Variants in ABLIM2 observed in about 807,000 individuals in gnomAD.
The protein encoded by ABLIM2 is actin-binding LIM protein 2.
ABLIM2 carries 53 observed loss-of-function variants against 97.7 expected under a neutral mutation model. That is an observed-to-expected ratio of 0.54 (90% CI 0.44 to 0.68). The LOEUF is 0.68. Ranked by LOEUF, ABLIM2 falls within the 30% of genes least tolerant of loss-of-function variation. The pLI, the probability that ABLIM2 is intolerant of heterozygous loss-of-function variation, is 0.00. For missense variants in ABLIM2, 835 were observed against 867.2 expected, an observed-to-expected ratio of 0.96 and a Z score of 0.47; for synonymous variants, 361 against 345.8, an observed-to-expected ratio of 1.04 and a Z score of -0.49.
rs544426998 is a variant in ABLIM2, at chr4:8,143,623, G to A, written c.10+15057C>T. On this transcript the variant is annotated intron_variant, in intron 1 of 20. Coordinates refer to ENST00000447017, the MANE Select transcript of ABLIM2 (RefSeq NM_001130083.2). The stretch of plus-strand genomic sequence containing the variant: ...CTGCCAGGATTTCTCTCTCAGGCCA[G>A]GTTCACTTTCTCTCTGGCCCCACAG... 9.6e-4 allele frequency among the ~76,000 whole-genome samples: 146 copies of A among 152,272 alleles called. 2 individuals carry two copies. The highest frequency in any genetic ancestry group is 3.4e-3 in the African/African-American group (143 of 41,548).
chr4:8,102,274 A>G (rs751077749), intron 2 of ABLIM2, among the ~76,000 whole-genome samples: 5 of 151,876 alleles, frequency 3.3e-5, no homozygotes, highest in African/African-American at 4.8e-5. Flanking sequence ...TCCCTCATTA[A>G]CTTCCTCACC....
chr4:8,096,613 G>C (rs1216229135), intron 3 of ABLIM2, among the ~76,000 whole-genome samples: 3 of 152,214 alleles, frequency 2.0e-5, no homozygotes, highest in Non-Finnish European at 4.4e-5. Flanking sequence ...AACACGGTGT[G>C]GTGAGACAGG....
intron 17 of ABLIM2, among the ~76,000 whole-genome samples, chr4:7,988,768 A>G (rs182318873): frequency 1.3e-5 from 2 of 152,354 alleles, no homozygotes; most frequent in African/African-American, 4.8e-5. Flanking sequence ...TTTAAAGACT[A>G]GAAAAGAGAG....
chr4:7,997,158 G>A (rs943086830), intron 16 of ABLIM2, among the ~76,000 whole-genome samples: 7 of 152,166 alleles, frequency 4.6e-5, no homozygotes, highest in African/African-American at 9.6e-5. Flanking sequence ...TGCAACCTCC[G>A]TCTCCCAGGT....
chr4:8,132,315 A>C lies in ABLIM2; in HGVS notation c.11-25678T>G, dbSNP rs191355388. Among the ~76,000 whole-genome samples, 82 of 152,308 alleles carry C rather than the reference A, an allele frequency of 5.4e-4. 1 individual carries two copies. In the East Asian group the frequency reaches 0.014, roughly 27 times the overall value. ...TAATTACTCACATCTTCATTTCTGAATGCTGCTTAAAAGCTGAGAAGTAAT... is the reference window on the plus strand; with the variant it reads ...TAATTACTCACATCTTCATTTCTGACTGCTGCTTAAAAGCTGAGAAGTAAT... On this transcript the variant is annotated intron_variant, in intron 1 of 20. Transcript: ENST00000447017. The surrounding 1 kb of genome is among the most constrained non-coding windows in gnomAD (Gnocchi z 8.0).
At position 8,029,547 on chromosome 4, in the gene ABLIM2, T is replaced by C. The variant is rs1215446835; in HGVS notation, c.1168+109A>G. 37 of 1,255,416 alleles carry C rather than the reference T, an allele frequency of 2.9e-5. 1 individual carries two copies. Among genetic ancestry groups the C allele is most frequent in the Middle Eastern group, 5.9e-4 (2 of 3,400 alleles). 77.8% of individuals were successfully genotyped at this position (1,255,416 alleles called of 1,614,324 possible). On this transcript the variant is annotated intron_variant, in intron 11 of 20. Transcript: ENST00000447017. ...CACCCATTTCCATCATATTTCCAGT[T>C]GTATAAGAAAAATGCCACTTATAAC...
chr4:8,005,276 C>A lies in ABLIM2; in HGVS notation c.1618+2783G>T. ...GGGCTGCTCTTGTCTTCTCTGTCCC[C>A]CTCGGCGCCCCGCTCAGCGTCTGGC... On this transcript the variant is annotated intron_variant, in intron 16 of 20. Coordinates refer to ENST00000447017, the MANE Select transcript of ABLIM2 (RefSeq NM_001130083.2). This position sits in a 1 kb window ranked among gnomAD's most constrained non-coding sequence, Gnocchi z 4.9. 1.9e-6 allele frequency: 1 copy of A among 524,984 alleles called. No individual in the cohort carries two copies. The highest frequency in any genetic ancestry group is 1.4e-5 in the South Asian group (1 of 71,320). The allele number at this position is 524,984 out of a possible 1,614,324, so 32.5% of individuals were successfully genotyped here. A position where few individuals can be genotyped will look rare whatever the true frequency, so the allele number is the denominator to read the frequency against.
Position 8,083,409 on chromosome 4 carries a change from T to G in ABLIM2, c.455-2607A>C, listed in dbSNP as rs1821201952. ...TGTTGCCAGGTGGTCCCCTCACGGG[T>G]GGCCTGCTCCCTCTGTGATGCCTTT... On this transcript the variant is annotated intron_variant, in intron 4 of 20. Transcript: ENST00000447017. The surrounding 1 kb of genome is among the most constrained non-coding windows in gnomAD (Gnocchi z 4.6). 6.6e-6 allele frequency among the ~76,000 whole-genome samples: 1 copy of G among 152,116 alleles called. No homozygotes were observed. Among genetic ancestry groups the G allele is most frequent in the African/African-American group, 2.4e-5 (1 of 41,424 alleles).
At position 8,084,449 on chromosome 4, in the gene ABLIM2, G is replaced by A. The variant is rs181443837; in HGVS notation, c.455-3647C>T. 5.2e-3 allele frequency among the ~76,000 whole-genome samples: 794 copies of A among 152,280 alleles called. 4 individuals are homozygous for A. The highest frequency in any genetic ancestry group is 9.1e-3 in the Non-Finnish European group (621 of 68,006). On this transcript the variant is annotated intron_variant, in intron 4 of 20. Coordinates refer to ENST00000447017, the MANE Select transcript of ABLIM2 (RefSeq NM_001130083.2). ...CAAGGGGGCGGGGGCTCTGGTTTGG[G>A]CACCCACCCTCTTAGCACTACCCTT... is the stretch of plus-strand genomic sequence containing the variant.
Position 8,071,702 on chromosome 4 carries a change from CCCGCAG to C in ABLIM2, c.675+5920_675+5925del. 3 of 908,798 alleles carry C rather than the reference CCCGCAG, an allele frequency of 3.3e-6. No homozygotes were observed. The highest frequency in any genetic ancestry group is 2.6e-6 in the Non-Finnish European group (2 of 760,250). 56.3% of individuals were successfully genotyped at this position (908,798 alleles called of 1,614,324 possible). On this transcript the variant is annotated intron_variant, in intron 6 of 20. Coordinates refer to ENST00000447017, the MANE Select transcript of ABLIM2 (RefSeq NM_001130083.2). This position sits in a 1 kb window ranked among gnomAD's most constrained non-coding sequence, Gnocchi z 6.2. ...TGCTCTGTCCCCAAAAACCCACCCACCCGCAGCCCCTCCTGGCCCCTGTGAGCCCCC... is the reference window on the plus strand; with the variant it reads ...TGCTCTGTCCCCAAAAACCCACCCACCCCCTCCTGGCCCCTGTGAGCCCCC...
chr4:8,010,626 C>T lies in ABLIM2; in HGVS notation c.1424-1524G>A, dbSNP rs146066068. ...ACTAACATCTCGTTACTCTCAACGGCTACCTGTTTCTCCTTCTTCCAGGAG... is the reference window on the plus strand; with the variant it reads ...ACTAACATCTCGTTACTCTCAACGGTTACCTGTTTCTCCTTCTTCCAGGAG... On this transcript the variant is annotated intron_variant, in intron 14 of 20. Coordinates refer to ENST00000447017, the MANE Select transcript of ABLIM2 (RefSeq NM_001130083.2). The T allele has an allele frequency of 9.4e-6, 9 of 958,486 alleles. No homozygotes were observed. In the African/African-American group the frequency reaches 1.6e-4, roughly 17 times the overall value. 59.4% of individuals were successfully genotyped at this position (958,486 alleles called of 1,614,324 possible). A position where few individuals can be genotyped will look rare whatever the true frequency, so the allele number is the denominator to read the frequency against.
intron 1 of ABLIM2, among the ~76,000 whole-genome samples, chr4:8,152,616 C>T (rs1406259900): frequency 2.0e-5 from 3 of 152,216 alleles, no homozygotes; most frequent in Non-Finnish European, 4.4e-5. Flanking sequence ...GTGCTGGGTG[C>T]GAGCCTCGGA....
intron 16 of ABLIM2, chr4:7,993,926 A>T: frequency 1.9e-6 from 1 of 513,872 alleles, no homozygotes; most frequent in Non-Finnish European, 3.9e-6. Flanking sequence ...GGAGTTTGAG[A>T]CCTCCGAAGT....
At chr4:8,146,269 A>C (rs1220689433) in intron 1 of ABLIM2, among the ~76,000 whole-genome samples, 1 of 152,194 alleles carries the variant, frequency 6.6e-6, no homozygotes, top group Non-Finnish European at 1.5e-5. Context: ...CCTTTCAATA[A>C]CAACACGAAG....
rs1172594476 is a variant in ABLIM2, at chr4:8,033,356, C to G, written c.1047+2793G>C. Among the ~76,000 whole-genome samples the G allele has an allele frequency of 6.6e-6, 1 of 152,224 alleles. No homozygotes were observed. The highest frequency in any genetic ancestry group is 2.4e-5 in the African/African-American group (1 of 41,462). Reference sequence around the variant, plus strand: ...AACCATGGTTATTACAGCGCAATAACTCGACGGCCTCTGGGAGGCTGCCAC... The same window carrying G: ...AACCATGGTTATTACAGCGCAATAAGTCGACGGCCTCTGGGAGGCTGCCAC... On this transcript the variant is annotated intron_variant, in intron 10 of 20. Transcript: ENST00000447017. The surrounding 1 kb of genome is among the most constrained non-coding windows in gnomAD (Gnocchi z 4.5).
Position 7,996,083 on chromosome 4 carries a change from C to T in ABLIM2, c.1619-3156G>A, listed in dbSNP as rs1399166797. ...TGCTCTGGGAGCCCGAGGGCCCCTC[C>T]AGCTGCAGCGGGAGCTCCTTATCAG... is the stretch of plus-strand genomic sequence containing the variant. On this transcript the variant is annotated intron_variant, in intron 16 of 20. Coordinates refer to ENST00000447017, the MANE Select transcript of ABLIM2 (RefSeq NM_001130083.2). The surrounding 1 kb of genome is among the most constrained non-coding windows in gnomAD (Gnocchi z 4.5). Among the ~76,000 whole-genome samples the T allele has an allele frequency of 2.0e-5, 3 of 152,200 alleles. No individual in the cohort carries two copies. Among genetic ancestry groups the T allele is most frequent in the Admixed American group, 6.5e-5 (1 of 15,278 alleles).
rs71175466 is a variant in ABLIM2 at position 8,119,324 on chromosome 4, C to CTT, written c.11-12689_11-12688dup. Among the ~76,000 whole-genome samples, 308 of 108,084 alleles carry CTT rather than the reference C, an allele frequency of 2.8e-3. 5 individuals are homozygous for CTT. Among genetic ancestry groups the CTT allele is most frequent in the Middle Eastern group, 5.9e-3 (1 of 170 alleles). The allele number at this position is 108,084 out of a possible 152,430, so 70.9% of individuals were successfully genotyped here. ...TGTGGCACAGGTCTCGGGCTTCCTT[C>CTT]TTTTTTTTTTTTTTTTTTTTTGAGA... On this transcript the variant is annotated intron_variant, in intron 1 of 20. Transcript: ENST00000447017.
intron 3 of ABLIM2, among the ~76,000 whole-genome samples, chr4:8,089,732 C>CAAAAAA (rs58396378): frequency 2.5e-4 from 22 of 87,590 alleles, no homozygotes; most frequent in East Asian, 6.8e-4. Context: ...AGATTCATAT[C>CAAAAAA]AAAAAAAAAA....
At chr4:8,144,912 G>C (rs1851548230) in intron 1 of ABLIM2, among the ~76,000 whole-genome samples, 1 of 152,256 alleles carries the variant, frequency 6.6e-6, no homozygotes. Flanking sequence ...ATTGGCCTGA[G>C]AATTTGAAAG....
Sources: gnomAD v4.1 joint callset for allele counts (sites outside exome capture counted in the v4.1 genomes callset) on GRCh38, gnomAD v4.1.1 for gene constraint, Gnocchi (gnomAD v3.1) non-coding constraint, MANE v1.5 for transcripts, NCBI Gene and HGNC (gene_info 2026-07-23, HGNC 2026-07-21) for gene names.